NRXN1: variants seen among roughly 807,000 people sequenced by gnomAD.
NRXN1 encodes the protein neurexin 1.
Under a neutral mutation model 150.9 loss-of-function variants are expected in NRXN1, and 39 were observed. The ratio of observed to expected loss-of-function variants is 0.26; its 90% CI spans 0.20 to 0.34. The LOEUF (loss-of-function observed/expected upper bound fraction) is 0.34. Among genes scored for constraint, NRXN1 ranks in the 10% least tolerant of loss-of-function variants. The pLI is 1.00. For missense variants in NRXN1, 1,815 were observed against 1,949.9 expected (o/e 0.93, Z 1.30); for synonymous variants, 924 against 757.0 (o/e 1.22, Z -3.62).
chr2:50,879,797 G>A (rs112734125), intron 5 of NRXN1, among the ~76,000 whole-genome samples: 24 of 151,980 alleles, frequency 1.6e-4, no homozygotes, highest in African/African-American at 4.8e-4. Flanking sequence ...TCCAAGTACC[G>A]GCTATAGGAA....
At chr2:50,268,876 G>C (rs1038761022) in intron 17 of NRXN1, among the ~76,000 whole-genome samples, 4 of 152,126 alleles carry the variant, frequency 2.6e-5, no homozygotes, top group Non-Finnish European at 5.9e-5. Context: ...TTGTGCCTCT[G>C]AGTTGCAAAC....
At chr2:51,020,492 T>C (rs917247370) in intron 2 of NRXN1, among the ~76,000 whole-genome samples, 2 of 151,982 alleles carry the variant, frequency 1.3e-5, no homozygotes, top group African/African-American at 4.8e-5. Flanking sequence ...CCAAAGTAGA[T>C]GTAAAGAAAT....
intron 21 of NRXN1, among the ~76,000 whole-genome samples, chr2:49,993,146 T>G (rs1682311443): frequency 6.6e-6 from 1 of 152,160 alleles, no homozygotes; most frequent in South Asian, 2.1e-4. Context: ...TTGCCAAAAC[T>G]TGGAACCAAC....
chr2:50,745,033 G>A (rs1031881692), intron 5 of NRXN1, among the ~76,000 whole-genome samples: 5 of 152,186 alleles, frequency 3.3e-5, no homozygotes, highest in African/African-American at 1.2e-4. Flanking sequence ...TGAGCATGCG[G>A]CTGGAAGGCA....
chr2:50,254,641 G>A (rs2067517273), intron 17 of NRXN1, among the ~76,000 whole-genome samples: 1 of 150,344 alleles, frequency 6.7e-6, no homozygotes, highest in African/African-American at 2.5e-5. Flanking sequence ...AATTTTTTAA[G>A]TGGTGGTTTT....
Position 50,584,136 on chromosome 2 carries a change from G to A in NRXN1, c.1321-31111C>T, listed in dbSNP as rs575704721. Among the ~76,000 whole-genome samples, 3 of 152,310 alleles carry A rather than the reference G, an allele frequency of 2.0e-5. No individual in the cohort carries two copies. The East Asian group carries it at 5.8e-4, about 29-fold the overall frequency. ...GGCCTCAGGATACTTTTGAAGGAGA[G>A]TGAAGAGGTTATGTCTTTGAATTAG... On this transcript the variant is annotated intron_variant, in intron 8 of 22. Coordinates refer to ENST00000401669, the MANE Select transcript of NRXN1 (RefSeq NM_001330078.2).
At chr2:50,711,329 CTTTTTT>C (rs765521627) in intron 5 of NRXN1, among the ~76,000 whole-genome samples, 1 of 89,874 alleles carries the variant, frequency 1.1e-5, no homozygotes, top group African/African-American at 4.6e-5. Flanking sequence ...AGGTACTGGA[CTTTTTT>C]TTTTTTTTTT....
At chr2:50,538,665 T>C in intron 9 of NRXN1, 29 bp from the exon 10 acceptor site, 4 of 1,429,428 alleles carry the variant, frequency 2.8e-6, no homozygotes, top group Non-Finnish European at 3.7e-6. Context: ...AATGCACAGG[T>C]CTTTAAAAAG....
intron 5 of NRXN1, among the ~76,000 whole-genome samples, chr2:50,734,359 A>G (rs1360484222): frequency 2.0e-5 from 3 of 152,186 alleles, no homozygotes; most frequent in Non-Finnish European, 4.4e-5. Flanking sequence ...TTGGTACTGA[A>G]TTTAAACTAG....
chr2:50,345,554 AC>A (rs1048976321), intron 17 of NRXN1, among the ~76,000 whole-genome samples: 1 of 152,176 alleles, frequency 6.6e-6, no homozygotes, highest in African/African-American at 2.4e-5. Flanking sequence ...TGCATTTTAC[AC>A]CGGGGTAGAA....
At chr2:50,157,012 A>G (rs1329167293) in intron 18 of NRXN1, among the ~76,000 whole-genome samples, 1 of 152,058 alleles carries the variant, frequency 6.6e-6, no homozygotes, top group African/African-American at 2.4e-5. Context: ...GTATTATCTT[A>G]GTTAAACCAT....
intron 17 of NRXN1, among the ~76,000 whole-genome samples, chr2:50,365,451 C>G (rs867360624): frequency 6.6e-6 from 1 of 152,048 alleles, no homozygotes; most frequent in South Asian, 2.1e-4. Flanking sequence ...TTTCACAGTT[C>G]ATTTGTAAAG....
chr2:49,926,169 A>T, intron 22 of NRXN1: 3 of 393,588 alleles, frequency 7.6e-6, no homozygotes, highest in Non-Finnish European at 9.0e-6. Context: ...GAAATAGAGC[A>T]GTACAACAGT....
intron 21 of NRXN1, among the ~76,000 whole-genome samples, chr2:49,957,583 C>T (rs1022304175): frequency 7.2e-5 from 11 of 152,088 alleles, no homozygotes; most frequent in African/African-American, 2.2e-4. Flanking sequence ...GATAGGACAG[C>T]GCTTGTAAAA....
intron 12 of NRXN1, among the ~76,000 whole-genome samples, chr2:50,518,754 A>C (rs1221757665): frequency 6.6e-6 from 1 of 151,794 alleles, no homozygotes; most frequent in Non-Finnish European, 1.5e-5. Context: ...TTCATAATTC[A>C]AGATCAATGA....
intron 5 of NRXN1, among the ~76,000 whole-genome samples, chr2:50,811,347 T>C (rs953000503): frequency 2.6e-5 from 4 of 152,154 alleles, no homozygotes; most frequent in Admixed American, 2.6e-4. Context: ...GCAACCAAGA[T>C]AGGTAAACAT....
At chr2:50,422,634 C>A (rs1354756165) in intron 17 of NRXN1, among the ~76,000 whole-genome samples, 1 of 152,116 alleles carries the variant, frequency 6.6e-6, no homozygotes, top group East Asian at 1.9e-4. Context: ...ACAGACATAG[C>A]AGAATATTTC....
intron 18 of NRXN1, among the ~76,000 whole-genome samples, chr2:50,155,064 T>G (rs545564005): frequency 1.6e-4 from 25 of 151,758 alleles, no homozygotes; most frequent in African/African-American, 5.8e-4. Flanking sequence ...ATTATATCTA[T>G]TTTTTAAACC....
intron 17 of NRXN1, among the ~76,000 whole-genome samples, chr2:50,354,614 G>GC (rs1485052272): frequency 1.3e-4 from 15 of 117,236 alleles, no homozygotes; most frequent in Non-Finnish European, 2.5e-4. Context: ...TTTTGCTGTT[G>GC]TTTTCTGAAA....
Sources: allele counts gnomAD v4.1 joint callset (sites outside exome capture counted in the v4.1 genomes callset), GRCh38; gene constraint gnomAD v4.1.1; transcripts MANE v1.5; gene names NCBI Gene and HGNC (gene_info 2026-07-23, HGNC 2026-07-21).